The following ABLIM3 variants were observed in gnomAD, a reference collection of about 807,000 sequenced individuals.
ABLIM3 encodes the protein actin binding LIM protein family member 3.
In ABLIM3, 61 loss-of-function variants were observed where a neutral mutation model predicts 109.5. The observed-to-expected ratio is 0.56, with a 90% CI of 0.45 to 0.69. ABLIM3 has a LOEUF of 0.69. Ranked by LOEUF, ABLIM3 falls within the 30% of genes least tolerant of loss-of-function variation. ABLIM3 has a pLI of 0.00. For synonymous variants in ABLIM3, 300 were observed against 324.8 expected (o/e 0.92, Z 0.82); for missense variants, 796 against 889.5 (o/e 0.89, Z 1.34).
intron 3 of ABLIM3, among the ~76,000 whole-genome samples, chr5:149,192,546 A>G (rs1292161969): frequency 6.6e-6 from 1 of 151,676 alleles, no homozygotes; most frequent in Non-Finnish European, 1.5e-5. Flanking sequence ...GAATGGCATG[A>G]ACCTGAGAGG....
intron 11 of ABLIM3, 92 bp downstream of exon 11, chr5:149,237,695 C>CT: frequency 1.3e-6 from 2 of 1,518,770 alleles, no homozygotes; most frequent in Non-Finnish European, 1.8e-6. Context: ...AGTTTGGCCT[C>CT]CACAATGCTG....
intron 14 of ABLIM3, 48 bp downstream of exon 14, chr5:149,240,822 G>C (rs763994908): frequency 7.1e-6 from 11 of 1,543,168 alleles, no homozygotes; most frequent in South Asian, 2.2e-5. Context: ...ATGCTCCATG[G>C]GGTCACAGGT....
chr5:149,188,195 G>T (rs549997140), intron 3 of ABLIM3, among the ~76,000 whole-genome samples: 1 of 152,156 alleles, frequency 6.6e-6, no homozygotes, highest in Admixed American at 6.5e-5. Context: ...TGAAATAAAA[G>T]GCATCCAGAT....
At chr5:149,185,819 G>A (rs1268791065) in intron 3 of ABLIM3, among the ~76,000 whole-genome samples, 2 of 152,168 alleles carry the variant, frequency 1.3e-5, no homozygotes, top group African/African-American at 4.8e-5. Context: ...ATGCTGACAT[G>A]AAAGGAAGGA....
intron 7 of ABLIM3, among the ~76,000 whole-genome samples, chr5:149,212,437 G>T (rs1759659979): frequency 1.3e-5 from 2 of 152,136 alleles, no homozygotes; most frequent in South Asian, 4.1e-4. Flanking sequence ...TTAGAGCTGG[G>T]CTTCTGGGAG....
At chr5:149,216,601 T>A (rs1243644501) in intron 7 of ABLIM3, 1 of 221,482 alleles carries the variant, frequency 4.5e-6, no homozygotes, top group Non-Finnish European at 8.9e-6. Flanking sequence ...GTAACATTAG[T>A]GGTAAGGGCC....
At chr5:149,204,529 G>A (rs1265775967) in intron 5 of ABLIM3, among the ~76,000 whole-genome samples, 5 of 152,188 alleles carry the variant, frequency 3.3e-5, no homozygotes, top group Admixed American at 3.3e-4. Flanking sequence ...GAATTCTCAC[G>A]GGGAATCAGC....
rs12656391 is a variant in ABLIM3 at position 149,183,531 on chromosome 5, A to G, written c.93A>G (p.Lys31=). 3 of 1,599,392 alleles carry G rather than the reference A, an allele frequency of 1.9e-6. No homozygotes were observed. The highest frequency in any genetic ancestry group is 2.6e-6 in the Non-Finnish European group (3 of 1,173,426). Residue 31 remains lysine, a synonymous_variant, in exon 3 of 24, where the codon AAA becomes AAG. Coordinates refer to ENST00000309868, the MANE Select transcript of ABLIM3 (RefSeq NM_014945.5). ...GCTACCGCTGTGGAGACACCTGCAAAGGGGAAGTGGTCCGCGTGCACAACA... is the reference window on the plus strand; with the variant it reads ...GCTACCGCTGTGGAGACACCTGCAAGGGGGAAGTGGTCCGCGTGCACAACA... ...IQCYRCGDTC[K]GEVVRVHNNH...
chr5:149,148,428 A>G (rs1753122081), intron 2 of ABLIM3, among the ~76,000 whole-genome samples: 1 of 152,184 alleles, frequency 6.6e-6, no homozygotes, highest in South Asian at 2.1e-4. Flanking sequence ...AGAGGAAAGG[A>G]GGGAAACTGG....
rs1581138477 is a variant in ABLIM3, at chr5:149,210,581, T to G, written c.576-145T>G. 6 of 682,220 alleles carry G rather than the reference T, an allele frequency of 8.8e-6. 1 individual carries two copies. Among genetic ancestry groups the G allele is most frequent in the South Asian group, 8.5e-5 (5 of 58,648 alleles). 42.3% of individuals were successfully genotyped at this position (682,220 alleles called of 1,614,324 possible). A position where few individuals can be genotyped will look rare whatever the true frequency, so the allele number is the denominator to read the frequency against. ...TCTGGGAGCACAGTCAGATGATTCT[T>G]TCATACAGATGAAATTGTTTATTAA... On this transcript the variant is annotated intron_variant, in intron 6 of 23. Coordinates refer to ENST00000309868, the MANE Select transcript of ABLIM3 (RefSeq NM_014945.5).
chr5:149,213,173 C>G (rs1759731289), intron 7 of ABLIM3, among the ~76,000 whole-genome samples: 1 of 152,058 alleles, frequency 6.6e-6, no homozygotes, highest in African/African-American at 2.4e-5. Context: ...AAAGCTCAGG[C>G]CTGGAGGAGC....
rs1324716635 is a variant in ABLIM3 at position 149,259,791 on chromosome 5, A to T, written c.*1387A>T. On this transcript the variant is annotated 3_prime_UTR_variant, in exon 24 of 24. Transcript: ENST00000309868. ...TTTTGAGATCATGGAGGAAGGATGA[A>T]GAAGTGAAAATGACAATAATGACTC... 9 of 604,036 alleles carry T rather than the reference A, an allele frequency of 1.5e-5. No individual in the cohort carries two copies. The highest frequency in any genetic ancestry group is 6.1e-5 in the South Asian group (3 of 49,020). 37.4% of individuals were successfully genotyped at this position (604,036 alleles called of 1,614,324 possible).
At chr5:149,222,214 T>G (rs1014447580) in intron 8 of ABLIM3, among the ~76,000 whole-genome samples, 11 of 151,984 alleles carry the variant, frequency 7.2e-5, no homozygotes, top group Admixed American at 4.6e-4. Context: ...CCAAGTACTG[T>G]ACTAAGAGTT....
chr5:149,154,161 G>A (rs114464628), intron 2 of ABLIM3, among the ~76,000 whole-genome samples: 3,385 of 152,290 alleles, frequency 0.022, 58 homozygotes, highest in South Asian at 0.042. Flanking sequence ...TGCAAGTCAC[G>A]CTCAGCTTGC....
At chr5:149,172,833 A>G (rs926929863) in intron 2 of ABLIM3, among the ~76,000 whole-genome samples, 2 of 152,240 alleles carry the variant, frequency 1.3e-5, no homozygotes, top group Non-Finnish European at 2.9e-5. Flanking sequence ...TTTAACATGC[A>G]TAGAAAATTA....
rs775754253 is a variant in ABLIM3 at position 149,237,452 on chromosome 5, A to G, written c.893A>G (p.Lys298Arg). The stretch of plus-strand genomic sequence containing the variant: ...GTCCATTTCCCTCTTCCCTAGGCTA[A>G]AGTGGATAATGAGATCCTTAATTAC... ...IGSPNRVICA[K>R]VDNEILNYKD... Residue 298 changes from lysine (K) to arginine (R), a missense_variant, in exon 11 of 24, where the codon AAA becomes AGA. By Grantham distance (26) the Lys-to-Arg change is conservative (BLOSUM62 2). Coordinates refer to ENST00000309868, the MANE Select transcript of ABLIM3 (RefSeq NM_014945.5). 2.5e-6 allele frequency: 4 copies of G among 1,614,056 alleles called. No individual in the cohort carries two copies. The South Asian group carries it at 3.3e-5, about 13-fold the overall frequency.
chr5:149,184,538 G>A (rs893994023), intron 3 of ABLIM3, among the ~76,000 whole-genome samples: 1 of 152,102 alleles, frequency 6.6e-6, no homozygotes, highest in African/African-American at 2.4e-5. Context: ...TTCCAACAGT[G>A]TCATTGTCCT....
intron 5 of ABLIM3, among the ~76,000 whole-genome samples, chr5:149,205,236 T>A (rs1415065037): frequency 3.9e-5 from 6 of 152,204 alleles, no homozygotes; most frequent in Non-Finnish European, 8.8e-5. Flanking sequence ...AAGACAGTCA[T>A]GACAATCATA....
At chr5:149,141,687 G>A in intron 1 of ABLIM3, 33 bp downstream of exon 1, 1 of 190,718 alleles carries the variant, frequency 5.2e-6, no homozygotes, top group Non-Finnish European at 1.1e-5. Context: ...GCTCCTTGAA[G>A]CCGGGCGGGG....
Sources: allele counts gnomAD v4.1 joint callset (sites outside exome capture counted in the v4.1 genomes callset), GRCh38; gene constraint gnomAD v4.1.1; transcripts MANE v1.5; gene names NCBI Gene and HGNC (gene_info 2026-07-23, HGNC 2026-07-21).